Variants in ELP2 observed in about 807,000 individuals in gnomAD.
The protein encoded by ELP2 is elongator acetyltransferase complex subunit 2.
Under a neutral mutation model 119.2 loss-of-function variants are expected in ELP2, and 90 were observed. The ratio of observed to expected loss-of-function variants is 0.75; its 90% CI spans 0.64 to 0.90. The LOEUF (loss-of-function observed/expected upper bound fraction) is 0.90. Ranked by LOEUF, ELP2 falls within the 40% of genes least tolerant of loss-of-function variation. The pLI is 0.00. For synonymous variants in ELP2, 339 were observed against 331.0 expected (o/e 1.02, Z -0.26); for missense variants, 921 against 967.8 (o/e 0.95, Z 0.64).
intron 11 of ELP2, among the ~76,000 whole-genome samples, chr18:36,149,889 C>G (rs2090343607): frequency 6.6e-6 from 1 of 152,098 alleles, no homozygotes; most frequent in Non-Finnish European, 1.5e-5. Flanking sequence ...AACTGTGACT[C>G]TAAGGAGGAG....
At position 36,174,593 on chromosome 18, in the gene ELP2, TGA is replaced by T; in HGVS notation, c.2434_2435del (p.Glu812ArgfsTer11). 6.2e-7 allele frequency: 1 copy of T among 1,614,186 alleles called. No homozygotes were observed. Among genetic ancestry groups the T allele is most frequent in the Middle Eastern group, 1.6e-4 (1 of 6,062 alleles). ...AEWLHFASCG[E>X]DHTVKIHRVN... is the part of the protein sequence containing the mutation. ...AGTGGTTACACTTTGCAAGCTGTGG[TGA>T]AGATCACACTGTGAAGATACACAGA... is the stretch of plus-strand genomic sequence containing the variant. On this transcript the variant is annotated frameshift_variant, in exon 22 of 22. Coordinates refer to ENST00000358232, the MANE Select transcript of ELP2 (RefSeq NM_018255.4). LOFTEE classifies it high-confidence loss of function.
chr18:36,160,815 T>C, intron 16 of ELP2, 117 bp from the exon 17 acceptor site: 1 of 713,570 alleles, frequency 1.4e-6, no homozygotes, highest in Non-Finnish European at 2.4e-6. Context: ...ACAATGTTCC[T>C]TAAAAGAATT....
chr18:36,130,828 A>G (rs887373788), intron 1 of ELP2, among the ~76,000 whole-genome samples: 3 of 152,134 alleles, frequency 2.0e-5, no homozygotes, highest in African/African-American at 7.2e-5. Context: ...AACGCAGGAG[A>G]TGGCTATATG....
chr18:36,172,579 A>G (rs2091113419), intron 21 of ELP2, among the ~76,000 whole-genome samples: 1 of 152,174 alleles, frequency 6.6e-6, no homozygotes, highest in Non-Finnish European at 1.5e-5. Flanking sequence ...TAGCAGTTGA[A>G]CTAGTTTGTG....
chr18:36,145,376 A>G (rs2090164112), intron 9 of ELP2: 2 of 332,626 alleles, frequency 6.0e-6, no homozygotes, highest in South Asian at 2.7e-5. Flanking sequence ...CAGTAATAAC[A>G]AAGTTGGTAC....
In ELP2 at chr18:36,177,599, T is replaced by C. The variant is rs1467933396; in HGVS notation, c.*2958T>C. The stretch of plus-strand genomic sequence containing the variant: ...GCACAGTTAAGTTATGTGAATGCTG[T>C]ATGCCAACTCAACTGTACACTCTAA... On this transcript the variant is annotated 3_prime_UTR_variant, in exon 22 of 22. Transcript: ENST00000358232. The C allele has an allele frequency of 6.6e-6, 1 of 152,188 alleles. No individual in the cohort carries two copies. Among genetic ancestry groups the C allele is most frequent in the East Asian group, 1.9e-4 (1 of 5,198 alleles). 9.4% of individuals were successfully genotyped at this position (152,188 alleles called of 1,614,324 possible).
At chr18:36,158,608 A>G in intron 13 of ELP2, 1 of 453,076 alleles carries the variant, frequency 2.2e-6, no homozygotes, top group Non-Finnish European at 4.0e-6. Flanking sequence ...TGGGAGTTGG[A>G]GGCCTGGTAG....
chr18:36,164,588 T>C lies in ELP2; in HGVS notation c.1875T>C (p.Asn625=), dbSNP rs879469231. 2.5e-6 allele frequency: 4 copies of C among 1,614,110 alleles called. No homozygotes were observed. Among genetic ancestry groups the C allele is most frequent in the Non-Finnish European group, 3.4e-6 (4 of 1,179,990 alleles). The part of the protein sequence containing the change: ...LTVTQMAFSP[N]EKFLLAVSRD... ...TCACGCAGATGGCCTTCTCACCTAATGAGAAGTTCTTACTAGCTGTTTCCA... is the reference window on the plus strand; with the variant it reads ...TCACGCAGATGGCCTTCTCACCTAACGAGAAGTTCTTACTAGCTGTTTCCA... Residue 625 remains asparagine (N), a synonymous_variant, in exon 18 of 22, where the codon AAT becomes AAC. Transcript: ENST00000358232.
At chr18:36,149,488 G>GTTTTTT (rs71166097) in intron 11 of ELP2, among the ~76,000 whole-genome samples, 1 of 125,082 alleles carries the variant, frequency 8.0e-6, no homozygotes, top group Non-Finnish European at 1.6e-5. Context: ...GTTTTGTTTT[G>GTTTTTT]TTTTTTTTTT....
At chr18:36,153,872 T>C (rs2090480333) in intron 11 of ELP2, among the ~76,000 whole-genome samples, 1 of 151,922 alleles carries the variant, frequency 6.6e-6, no homozygotes, top group Non-Finnish European at 1.5e-5. Flanking sequence ...CATCAACTTG[T>C]AGCCTCCCCC....
At chr18:36,145,452 C>A in intron 9 of ELP2, 2 of 296,338 alleles carry the variant, frequency 6.7e-6, no homozygotes, top group South Asian at 3.3e-5. Context: ...CATTTATCTC[C>A]ATTTATAGAG....
intron 2 of ELP2, among the ~76,000 whole-genome samples, chr18:36,134,829 T>C (rs1253025444): frequency 6.6e-6 from 1 of 152,224 alleles, no homozygotes; most frequent in African/African-American, 2.4e-5. Context: ...ATCTTAAATA[T>C]ATCTACTGTA....
chr18:36,130,632 C>T (rs2144539778), intron 1 of ELP2, among the ~76,000 whole-genome samples: 2 of 152,330 alleles, frequency 1.3e-5, no homozygotes, highest in East Asian at 3.9e-4. Context: ...CTTCCCTCGA[C>T]TTCACCCAGT....
intron 3 of ELP2, 67 bp downstream of exon 3, chr18:36,136,444 T>G: frequency 7.7e-7 from 1 of 1,291,314 alleles, no homozygotes; most frequent in Non-Finnish European, 1.1e-6. Context: ...GAGGTAGAGT[T>G]TCACTCTGTC....
intron 13 of ELP2, among the ~76,000 whole-genome samples, chr18:36,157,654 G>A (rs2090613269): frequency 6.6e-6 from 1 of 152,198 alleles, no homozygotes. Flanking sequence ...AGTAAGACTG[G>A]AGAAGAAAAT....
chr18:36,143,664 TG>T (rs2090112575), intron 8 of ELP2, among the ~76,000 whole-genome samples: 1 of 152,166 alleles, frequency 6.6e-6, no homozygotes, highest in African/African-American at 2.4e-5. Flanking sequence ...CCTAAAGTGT[TG>T]GGATTACAGG....
At position 36,144,416 on chromosome 18, in the gene ELP2, G is replaced by A. The variant is rs185480339; in HGVS notation, c.797-523G>A. On this transcript the variant is annotated intron_variant, in intron 8 of 21. Transcript: ENST00000358232. Reference sequence around the variant, plus strand: ...CTCACAGTTCTGCAAAGCTGAGGAGGCCTCAGGAAACTTAAATTAATAGCA... The same window carrying A: ...CTCACAGTTCTGCAAAGCTGAGGAGACCTCAGGAAACTTAAATTAATAGCA... 9.9e-5 allele frequency among the ~76,000 whole-genome samples: 15 copies of A among 152,220 alleles called. No individual in the cohort carries two copies. The East Asian group carries it at 2.9e-3, about 29-fold the overall frequency.
chr18:36,132,515 T>A (rs1020405917), intron 1 of ELP2, among the ~76,000 whole-genome samples: 1 of 152,202 alleles, frequency 6.6e-6, no homozygotes, highest in Non-Finnish European at 1.5e-5. Context: ...GCCATTGCCG[T>A]TGACAACAGA....
Position 36,142,810 on chromosome 18 carries a change from C to T in ELP2, c.656-16C>T. 1.9e-6 allele frequency: 3 copies of T among 1,556,492 alleles called. No homozygotes were observed. Among genetic ancestry groups the T allele is most frequent in the Admixed American group, 3.4e-5 (2 of 58,184 alleles). On this transcript the variant is annotated splice_polypyrimidine_tract_variant and intron_variant, in intron 7 of 21. Coordinates refer to ENST00000358232, the MANE Select transcript of ELP2 (RefSeq NM_018255.4). ...ATATAATGTTTTAAAATTAATACAA[C>T]TTATTTTTTAATTAGGTAGAGATCT...
Sources: allele counts gnomAD v4.1 joint callset (sites outside exome capture counted in the v4.1 genomes callset), GRCh38; gene constraint gnomAD v4.1.1; transcripts MANE v1.5; gene names NCBI Gene and HGNC (gene_info 2026-07-23, HGNC 2026-07-21).